Variants in PLXDC2 observed in about 807,000 individuals in gnomAD.
PLXDC2 encodes the protein plexin domain containing 2, also known as plexin domain-containing protein 2.
PLXDC2 carries 40 observed loss-of-function variants against 68.9 expected under a neutral mutation model. The observed-to-expected ratio is 0.58, with a 90% CI of 0.45 to 0.76. The LOEUF (loss-of-function observed/expected upper bound fraction) is 0.76, where lower values mean the gene tolerates loss of function less well. PLXDC2 is among the 30% of genes least tolerant of loss of function. The pLI is 0.00. For synonymous variants in PLXDC2, 243 were observed against 234.2 expected (o/e 1.04, Z -0.34); for missense variants, 644 against 661.9 (o/e 0.97, Z 0.30).
chr10:19,975,651 CTCTTT>C (rs1459554644), intron 1 of PLXDC2, among the ~76,000 whole-genome samples: 2 of 152,116 alleles, frequency 1.3e-5, no homozygotes, highest in African/African-American at 2.4e-5. Context: ...TCCTGCATCT[CTCTTT>C]TGAGTTGGAT....
chr10:19,870,470 G>T (rs903656490), intron 1 of PLXDC2, among the ~76,000 whole-genome samples: 1 of 151,920 alleles, frequency 6.6e-6, no homozygotes, highest in East Asian at 1.9e-4. Flanking sequence ...CTGTTGTCCA[G>T]GTTGGAGTTC....
chr10:20,240,412 A>C (rs1835498782), intron 12 of PLXDC2, among the ~76,000 whole-genome samples: 1 of 152,164 alleles, frequency 6.6e-6, no homozygotes, highest in Admixed American at 6.6e-5. Context: ...TCTTTTTGGT[A>C]GAATAATTTG....
intron 4 of PLXDC2, among the ~76,000 whole-genome samples, chr10:20,104,694 G>T (rs2085396400): frequency 1.3e-5 from 2 of 151,928 alleles, no homozygotes; most frequent in Non-Finnish European, 2.9e-5. Flanking sequence ...TAAATGGGGG[G>T]AGAAAACACA....
rs1465170328 is a variant in PLXDC2 at position 19,849,485 on chromosome 10, C to T, written c.112+32294C>T. ...CCACGTGTCTTGGGAGGGACCTTGT[C>T]AGAGGATATTAGATTATGGGGGCAG... On this transcript the variant is annotated intron_variant, in intron 1 of 13. Coordinates refer to ENST00000377252, the MANE Select transcript of PLXDC2 (RefSeq NM_032812.9). Among the ~76,000 whole-genome samples the T allele has an allele frequency of 2.0e-5, 3 of 152,098 alleles. No homozygotes were observed. The East Asian group carries it at 5.8e-4, about 29-fold the overall frequency.
At chr10:20,162,540 TA>T (rs1834319122) in intron 6 of PLXDC2, among the ~76,000 whole-genome samples, 1 of 152,102 alleles carries the variant, frequency 6.6e-6, no homozygotes, top group Admixed American at 6.5e-5. Context: ...AGATTCTGCT[TA>T]AAAATGAGAT....
At chr10:19,835,307 G>T (rs930669507) in intron 1 of PLXDC2, among the ~76,000 whole-genome samples, 1 of 152,138 alleles carries the variant, frequency 6.6e-6, no homozygotes, top group Admixed American at 6.5e-5. Context: ...CAGCTAGGAA[G>T]GGCAGGTCTA....
At chr10:20,232,111 G>A (rs1249948516) in intron 12 of PLXDC2, among the ~76,000 whole-genome samples, 1 of 151,936 alleles carries the variant, frequency 6.6e-6, no homozygotes, top group Non-Finnish European at 1.5e-5. Context: ...ATATTACAAA[G>A]GACTTGTATC....
At chr10:20,089,169 CGTGTGTGTGTGTGTGTGTGTGTGTGTGT>C (rs34167804) in intron 4 of PLXDC2, among the ~76,000 whole-genome samples, 2 of 142,588 alleles carry the variant, frequency 1.4e-5, no homozygotes, top group South Asian at 2.3e-4. Context: ...CCTGTATATA[CGTGTGTGTGTGTGTGTGTGTGTGTGTGT>C]GTGTGTGTGT....
chr10:20,157,138 G>C (rs139759270), intron 6 of PLXDC2, among the ~76,000 whole-genome samples: 1 of 152,172 alleles, frequency 6.6e-6, no homozygotes, highest in African/African-American at 2.4e-5. Context: ...CTGAAGCCAG[G>C]TCAGATACTT....
At chr10:20,007,172 A>G (rs1408035774) in intron 2 of PLXDC2, among the ~76,000 whole-genome samples, 1 of 152,198 alleles carries the variant, frequency 6.6e-6, no homozygotes, top group Non-Finnish European at 1.5e-5. Flanking sequence ...ATATGTGTAA[A>G]TGAGCAGGGC....
At chr10:20,224,648 T>C (rs1835263234) in intron 12 of PLXDC2, among the ~76,000 whole-genome samples, 1 of 152,210 alleles carries the variant, frequency 6.6e-6, no homozygotes, top group Non-Finnish European at 1.5e-5. Flanking sequence ...CAACTCAGTC[T>C]AGCAAATTGA....
chr10:19,851,334 G>T (rs1468100158), intron 1 of PLXDC2, among the ~76,000 whole-genome samples: 1 of 152,030 alleles, frequency 6.6e-6, no homozygotes, highest in African/African-American at 2.4e-5. Flanking sequence ...TAGGGTTTTT[G>T]TTGTTGTTGT....
At chr10:20,113,515 T>C in intron 4 of PLXDC2, among the ~76,000 whole-genome samples, 1 of 152,158 alleles carries the variant, frequency 6.6e-6, no homozygotes, top group East Asian at 1.9e-4. Flanking sequence ...TTGCAGCCAA[T>C]TCCATCCTTC....
intron 1 of PLXDC2, among the ~76,000 whole-genome samples, chr10:19,989,692 T>TA (rs1834713566): frequency 6.6e-6 from 1 of 151,876 alleles, no homozygotes; most frequent in Non-Finnish European, 1.5e-5. Flanking sequence ...TTTATATTTT[T>TA]AAAAAAGTAT....
At chr10:20,055,519 A>G (rs1241662488) in intron 3 of PLXDC2, among the ~76,000 whole-genome samples, 2 of 152,156 alleles carry the variant, frequency 1.3e-5, no homozygotes, top group African/African-American at 4.8e-5. Flanking sequence ...TCTAGACTGC[A>G]CATTTTTGCC....
chr10:20,062,376 A>T (rs959357741), intron 3 of PLXDC2, among the ~76,000 whole-genome samples: 1 of 152,200 alleles, frequency 6.6e-6, no homozygotes. Flanking sequence ...GTGAGCCAAG[A>T]TCGCACCATT....
At chr10:20,001,208 G>A (rs763030107) in intron 1 of PLXDC2, among the ~76,000 whole-genome samples, 4 of 152,142 alleles carry the variant, frequency 2.6e-5, no homozygotes, top group African/African-American at 9.7e-5. Context: ...AATGGGTCAG[G>A]CAATGAATGA....
chr10:20,166,952 T>A lies in PLXDC2; in HGVS notation c.883+2385T>A, dbSNP rs895252923. On this transcript the variant is annotated intron_variant, in intron 7 of 13. Transcript: ENST00000377252. ...ATGAATTTTCAGACCAGATTATGTC[T>A]AAAGTTTGGGACTCAGCAGTTATCT... Among the ~76,000 whole-genome samples, 3 of 152,188 alleles carry A rather than the reference T, an allele frequency of 2.0e-5. 1 individual carries two copies. In the South Asian group the frequency reaches 6.2e-4, roughly 31 times the overall value.
chr10:20,268,305 G>A (rs1265198304), intron 13 of PLXDC2, among the ~76,000 whole-genome samples: 1 of 151,940 alleles, frequency 6.6e-6, no homozygotes, highest in Admixed American at 6.6e-5. Flanking sequence ...ACACCATTTT[G>A]GATACTCATT....
Sources: allele counts gnomAD v4.1 joint callset (sites outside exome capture counted in the v4.1 genomes callset), GRCh38; gene constraint gnomAD v4.1.1; transcripts MANE v1.5; gene names NCBI Gene and HGNC (gene_info 2026-07-23, HGNC 2026-07-21).